KCNQ5: variants seen among roughly 807,000 people sequenced by gnomAD.
The protein encoded by KCNQ5 is potassium voltage-gated channel subfamily Q member 5.
In KCNQ5, 30 loss-of-function variants were observed where a neutral mutation model predicts 98.2. That is an observed-to-expected ratio of 0.31 (90% CI 0.23 to 0.41). The LOEUF is 0.41. Ranked by LOEUF, KCNQ5 falls within the 10% of genes least tolerant of loss-of-function variation. The pLI, the probability that KCNQ5 is intolerant of heterozygous loss-of-function variation, is 1.00. For missense variants in KCNQ5, 835 were observed against 1,182.5 expected (o/e 0.71, Z 4.31); for synonymous variants, 458 against 449.4 (o/e 1.02, Z -0.24).
chr6:72,906,601 C>A (rs1364080696), intron 1 of KCNQ5, among the ~76,000 whole-genome samples: 2 of 152,218 alleles, frequency 1.3e-5, no homozygotes, highest in African/African-American at 4.8e-5. Flanking sequence ...CTGTATTTCA[C>A]TTGGCTGTCT....
chr6:73,184,195 T>C (rs1778493409), intron 11 of KCNQ5, among the ~76,000 whole-genome samples: 1 of 152,230 alleles, frequency 6.6e-6, no homozygotes, highest in Admixed American at 6.5e-5. Flanking sequence ...CAAAATGATA[T>C]GTTGTTGCTT....
chr6:72,683,020 G>A (rs1371466491), intron 1 of KCNQ5, among the ~76,000 whole-genome samples: 6 of 152,192 alleles, frequency 3.9e-5, no homozygotes, highest in South Asian at 2.1e-4. Context: ...TCAGCCATAC[G>A]TGATTTTTTA....
At chr6:72,821,421 A>T (rs1259688846) in intron 1 of KCNQ5, among the ~76,000 whole-genome samples, 1 of 152,116 alleles carries the variant, frequency 6.6e-6, no homozygotes, top group Non-Finnish European at 1.5e-5. Context: ...CATGCATATA[A>T]ATAAGAAACA....
At chr6:73,161,565 A>G (rs76072659) in intron 10 of KCNQ5, among the ~76,000 whole-genome samples, 4,288 of 152,366 alleles carry the variant, frequency 0.028, 94 homozygotes, top group East Asian at 0.098. Flanking sequence ...TGAATGTAAT[A>G]AATTATCACA....
chr6:73,132,194 G>A (rs987560444), intron 9 of KCNQ5, among the ~76,000 whole-genome samples: 2 of 152,112 alleles, frequency 1.3e-5, no homozygotes, highest in Non-Finnish European at 2.9e-5. Context: ...CCTCCACTTC[G>A]TCTCAAATAA....
intron 1 of KCNQ5, among the ~76,000 whole-genome samples, chr6:72,940,311 G>T (rs1766162369): frequency 1.3e-5 from 2 of 152,162 alleles, no homozygotes; most frequent in Non-Finnish European, 2.9e-5. Context: ...TATTGAGACG[G>T]TTATTATTTC....
chr6:72,712,044 G>A (rs79215724), intron 1 of KCNQ5, among the ~76,000 whole-genome samples: 2,158 of 152,224 alleles, frequency 0.014, 42 homozygotes, highest in African/African-American at 0.045. Flanking sequence ...AGTTCTCTGT[G>A]GACAGGGATT....
chr6:73,017,324 CCA>C (rs1672830947), intron 2 of KCNQ5, among the ~76,000 whole-genome samples: 1 of 151,860 alleles, frequency 6.6e-6, no homozygotes. Flanking sequence ...TAGGACATAT[CCA>C]CACAAGAAAA....
chr6:72,753,435 C>G (rs1771785690), intron 1 of KCNQ5, among the ~76,000 whole-genome samples: 1 of 151,822 alleles, frequency 6.6e-6, no homozygotes, highest in African/African-American at 2.4e-5. Context: ...TGTGTAGGGA[C>G]TTTACTTGGA....
chr6:72,674,149 G>A (rs1255990951), intron 1 of KCNQ5, among the ~76,000 whole-genome samples: 1 of 152,038 alleles, frequency 6.6e-6, no homozygotes, highest in Admixed American at 6.5e-5. Context: ...TTGGAAACAG[G>A]AGAAGAAAAT....
At chr6:73,160,785 C>G (rs1250512943) in intron 10 of KCNQ5, among the ~76,000 whole-genome samples, 5 of 152,164 alleles carry the variant, frequency 3.3e-5, no homozygotes, top group Non-Finnish European at 7.3e-5. Context: ...GGCTATACAT[C>G]GCATTCTTCC....
intron 1 of KCNQ5, among the ~76,000 whole-genome samples, chr6:72,983,234 G>A (rs1768562398): frequency 1.3e-5 from 2 of 152,180 alleles, no homozygotes. Context: ...CTAGGTTGGG[G>A]AAGTTCTCCT....
At chr6:73,130,696 G>A (rs992004803) in intron 9 of KCNQ5, among the ~76,000 whole-genome samples, 5 of 152,184 alleles carry the variant, frequency 3.3e-5, no homozygotes, top group African/African-American at 1.2e-4. Flanking sequence ...CACCTGATCA[G>A]CTTAATAGTC....
At chr6:72,907,140 T>C (rs1195260866) in intron 1 of KCNQ5, among the ~76,000 whole-genome samples, 1 of 152,154 alleles carries the variant, frequency 6.6e-6, no homozygotes, top group African/African-American at 2.4e-5. Flanking sequence ...TTAACTGTGT[T>C]ATCTTGTGCA....
Position 73,169,685 on chromosome 6 carries a change from T to C in KCNQ5, c.1469-61T>C, listed in dbSNP as rs545902311. 4.9e-6 allele frequency: 6 copies of C among 1,227,888 alleles called. No homozygotes were observed. In the South Asian group the frequency reaches 6.0e-5, roughly 12 times the overall value. The allele number at this position is 1,227,888 out of a possible 1,614,324, so 76.1% of individuals were successfully genotyped here. The stretch of plus-strand genomic sequence containing the variant: ...CCCGCCATTTCCACGTGAGAAAAAT[T>C]CAGCAACATGTTTCAAATTGCGGAT... On this transcript the variant is annotated intron_variant, in intron 10 of 13. Transcript: ENST00000370398.
At chr6:73,116,808 A>G (rs1775517413) in intron 7 of KCNQ5, among the ~76,000 whole-genome samples, 1 of 152,228 alleles carries the variant, frequency 6.6e-6, no homozygotes, top group Non-Finnish European at 1.5e-5. Context: ...TTCATAGCCT[A>G]AAACTTTCAG....
At chr6:73,060,106 A>G (rs1772714754) in intron 3 of KCNQ5, among the ~76,000 whole-genome samples, 1 of 152,028 alleles carries the variant, frequency 6.6e-6, no homozygotes, top group Non-Finnish European at 1.5e-5. Flanking sequence ...CATGGTTCTA[A>G]TGTGATCTAA....
At chr6:72,867,660 G>T (rs1303055104) in intron 1 of KCNQ5, among the ~76,000 whole-genome samples, 1 of 152,102 alleles carries the variant, frequency 6.6e-6, no homozygotes, top group Admixed American at 6.5e-5. Flanking sequence ...GATTCTGGCT[G>T]AGTATGGTGG....
chr6:72,792,676 G>A (rs963061900), intron 1 of KCNQ5, among the ~76,000 whole-genome samples: 13 of 152,102 alleles, frequency 8.5e-5, no homozygotes, highest in South Asian at 4.1e-4. Context: ...CCAGGAAAGC[G>A]TAGCTACAGG....
Sources: allele counts gnomAD v4.1 joint callset (sites outside exome capture counted in the v4.1 genomes callset), GRCh38; gene constraint gnomAD v4.1.1; transcripts MANE v1.5; gene names NCBI Gene and HGNC (gene_info 2026-07-23, HGNC 2026-07-21).